HNF4G: variants seen among roughly 807,000 people sequenced by gnomAD.
HNF4G encodes the protein hepatocyte nuclear factor 4 gamma.
HNF4G carries 21 observed loss-of-function variants against 50.9 expected under a neutral mutation model. The observed-to-expected ratio is 0.41, with a 90% CI of 0.29 to 0.59. The LOEUF (loss-of-function observed/expected upper bound fraction) is 0.59, where lower values mean the gene tolerates loss of function less well. Ranked by LOEUF, HNF4G falls within the 20% of genes least tolerant of loss-of-function variation. The probability of loss-of-function intolerance (pLI) is 0.26; values close to 1 mark genes in which losing one functional copy is unlikely to be tolerated. For missense variants in HNF4G, 527 were observed against 559.4 expected (o/e 0.94, Z 0.58); for synonymous variants, 198 against 185.6 (o/e 1.07, Z -0.54).
intron 2 of HNF4G, among the ~76,000 whole-genome samples, chr8:75,512,378 G>A (rs958366563): frequency 1.3e-5 from 2 of 151,102 alleles, no homozygotes; most frequent in Admixed American, 1.3e-4. Flanking sequence ...ATAGTGGATG[G>A]ATATTGAATA....
chr8:75,464,853 G>A (rs1465826268), intron 1 of HNF4G, among the ~76,000 whole-genome samples: 1 of 152,116 alleles, frequency 6.6e-6, no homozygotes, highest in Non-Finnish European at 1.5e-5. Context: ...GGTTAAAAAG[G>A]CATCATCCAA....
At chr8:75,423,335 C>CTTTTTTTTTTTTTTTT (rs34511777) in intron 1 of HNF4G, among the ~76,000 whole-genome samples, 2 of 94,622 alleles carry the variant, frequency 2.1e-5, no homozygotes, top group African/African-American at 4.3e-5. Context: ...TTTTCTTTAT[C>CTTTTTTTTTTTTTTTT]TTTTTTTTTT....
upstream of HNF4G, among the ~76,000 whole-genome samples, chr8:75,537,071 A>T (rs1585933598): frequency 6.6e-6 from 1 of 152,206 alleles, no homozygotes; most frequent in South Asian, 2.1e-4. Flanking sequence ...AGATCATACT[A>T]ATTAGTTTTC....
intron 1 of HNF4G, among the ~76,000 whole-genome samples, chr8:75,409,781 C>T (rs1409277566): frequency 6.6e-6 from 1 of 152,050 alleles, no homozygotes; most frequent in Non-Finnish European, 1.5e-5. Context: ...GCCACCCCAC[C>T]CGGCCTGTTT....
chr8:75,483,875 T>C (rs1812439082), intron 1 of HNF4G, among the ~76,000 whole-genome samples: 2 of 152,190 alleles, frequency 1.3e-5, no homozygotes, highest in South Asian at 4.1e-4. Context: ...TATTGATATG[T>C]CTCGATCAAT....
intron 1 of HNF4G, among the ~76,000 whole-genome samples, chr8:75,480,899 C>G (rs1184830143): frequency 6.6e-6 from 1 of 151,792 alleles, no homozygotes; most frequent in Non-Finnish European, 1.5e-5. Flanking sequence ...TTTATTTTAG[C>G]GGAGACGGAG....
intron 1 of HNF4G, among the ~76,000 whole-genome samples, chr8:75,450,798 C>A (rs1448313454): frequency 6.6e-6 from 1 of 152,146 alleles, no homozygotes; most frequent in African/African-American, 2.4e-5. Context: ...GTCCTGAGGG[C>A]TCTGTCCTCA....
At chr8:75,544,831 G>T (rs943770540) in intron 2 of HNF4G, among the ~76,000 whole-genome samples, 4 of 152,020 alleles carry the variant, frequency 2.6e-5, no homozygotes, top group Non-Finnish European at 5.9e-5. Context: ...TCAATAAAAG[G>T]TACGTGTAGA....
intron 5 of HNF4G, among the ~76,000 whole-genome samples, chr8:75,555,572 A>AT (rs1473571749): frequency 5.0e-5 from 4 of 79,748 alleles, no homozygotes; most frequent in South Asian, 2.9e-4. Context: ...ACATGATGAG[A>AT]TTTTTTTTAT....
chr8:75,553,067 G>A lies in HNF4G; in HGVS notation c.515G>A (p.Ser172Asn). ...RQISVSSPGS[S>N]TDINVKKIAS... ...ATCTCAGTCTCAAGCCCTGGGTCAAGCACTGACATAAACGTTAAGAAAATT... is the reference window on the plus strand; with the variant it reads ...ATCTCAGTCTCAAGCCCTGGGTCAAACACTGACATAAACGTTAAGAAAATT... The change falls in exon 5 of 10, where the codon AGC becomes AAC. Residue 172 changes from serine (S) to asparagine (N), a missense_variant. Physicochemically the swap from Ser to Asn is conservative, Grantham distance 46. Transcript: ENST00000396423. The A allele has an allele frequency of 1.2e-6, 2 of 1,611,824 alleles. No individual in the cohort carries two copies. Among genetic ancestry groups the A allele is most frequent in the East Asian group, 2.2e-5 (1 of 44,748 alleles).
chr8:75,429,693 C>T (rs1810961871), intron 1 of HNF4G, among the ~76,000 whole-genome samples: 2 of 152,084 alleles, frequency 1.3e-5, no homozygotes, highest in Non-Finnish European at 2.9e-5. Context: ...GTGTTTTGTT[C>T]CTTTTAAAGC....
At chr8:75,533,806 T>C (rs1404230139) in intron 2 of HNF4G, among the ~76,000 whole-genome samples, 1 of 151,926 alleles carries the variant, frequency 6.6e-6, no homozygotes, top group African/African-American at 2.4e-5. Context: ...TTATTCTCCA[T>C]ATGTATCTAA....
At chr8:75,549,987 A>T (rs183711360) in intron 3 of HNF4G, among the ~76,000 whole-genome samples, 3 of 152,210 alleles carry the variant, frequency 2.0e-5, no homozygotes, top group Admixed American at 1.3e-4. Context: ...TATGTGCCAC[A>T]TTTACTATGA....
At chr8:75,554,977 A>G (rs1375835404) in intron 5 of HNF4G, among the ~76,000 whole-genome samples, 2 of 152,160 alleles carry the variant, frequency 1.3e-5, no homozygotes, top group African/African-American at 4.8e-5. Flanking sequence ...GTCAGGCAGC[A>G]ACAATGTGAA....
At chr8:75,560,640 A>C (rs145218671) in intron 9 of HNF4G, among the ~76,000 whole-genome samples, 174 bp downstream of exon 9, 9 of 152,272 alleles carry the variant, frequency 5.9e-5, no homozygotes, top group Non-Finnish European at 1.0e-4. Flanking sequence ...CTCCCTAGAC[A>C]TAAGTTTGCT....
chr8:75,543,631 A>G (rs1012399793), intron 1 of HNF4G, among the ~76,000 whole-genome samples, 180 bp from the exon 2 acceptor site: 3 of 152,204 alleles, frequency 2.0e-5, no homozygotes, highest in Non-Finnish European at 4.4e-5. Flanking sequence ...TTAAATGTTC[A>G]GAAATAAGAA....
intron 1 of HNF4G, among the ~76,000 whole-genome samples, chr8:75,427,129 C>T (rs1235533709): frequency 6.6e-6 from 1 of 152,086 alleles, no homozygotes; most frequent in African/African-American, 2.4e-5. Flanking sequence ...TTACAGCATA[C>T]CATGTACTGG....
intron 1 of HNF4G, among the ~76,000 whole-genome samples, chr8:75,431,419 C>T (rs1157976754): frequency 3.9e-5 from 6 of 151,968 alleles, no homozygotes; most frequent in African/African-American, 1.5e-4. Context: ...AGTGAAATCG[C>T]TGAACATTGA....
intron 1 of HNF4G, among the ~76,000 whole-genome samples, chr8:75,444,406 A>T (rs1811369930): frequency 6.6e-6 from 1 of 150,700 alleles, no homozygotes; most frequent in Non-Finnish European, 1.5e-5. Flanking sequence ...TCATAATGAC[A>T]GGATCAAATT....
Sources: gnomAD v4.1 joint callset for allele counts (sites outside exome capture counted in the v4.1 genomes callset) on GRCh38, gnomAD v4.1.1 for gene constraint, MANE v1.5 for transcripts, NCBI Gene and HGNC (gene_info 2026-07-23, HGNC 2026-07-21) for gene names.